The following CTIF variants were observed in gnomAD, a reference collection of about 807,000 sequenced individuals.
CTIF encodes CBP80/20-dependent translation initiation factor.
In CTIF, 21 loss-of-function variants were observed where a neutral mutation model predicts 66.0. The observed-to-expected ratio is 0.32, with a 90% CI of 0.23 to 0.46. The LOEUF is 0.46. Among genes scored for constraint, CTIF ranks in the 20% least tolerant of loss-of-function variants. The pLI, the probability that CTIF is intolerant of heterozygous loss-of-function variation, is 1.00. For missense variants in CTIF, 739 were observed against 812.7 expected, an observed-to-expected ratio of 0.91 and a Z score of 1.10; for synonymous variants, 345 against 326.4, an observed-to-expected ratio of 1.06 and a Z score of -0.62.
chr18:48,602,493 T>A (rs1598722961), intron 1 of CTIF, among the ~76,000 whole-genome samples: 1 of 152,244 alleles, frequency 6.6e-6, no homozygotes, highest in African/African-American at 2.4e-5. Flanking sequence ...TGACAGCATA[T>A]TTTCTCTGTG....
At chr18:48,589,272 GGA>G (rs899810118) in intron 1 of CTIF, among the ~76,000 whole-genome samples, 9 of 152,284 alleles carry the variant, frequency 5.9e-5, no homozygotes, top group Middle Eastern at 6.8e-3. Flanking sequence ...GCCGTCAGGG[GGA>G]GTCTGTTCCA....
chr18:48,619,620 CAGG>C lies in CTIF; in HGVS notation c.58_60del (p.Glu20del). On this transcript the variant is annotated inframe_deletion, in exon 2 of 12. Transcript: ENST00000256413. ...CTCGGAGGCAGGGAGCAGCCGCTCC[CAGG>C]AGATCGAGGAGCTGGAGCGCTTCAT... 1 of 1,605,316 alleles carries C rather than the reference CAGG, an allele frequency of 6.2e-7. No homozygotes were observed. Among genetic ancestry groups the C allele is most frequent in the South Asian group, 1.1e-5 (1 of 88,928 alleles).
chr18:48,814,937 C>T (rs930045074), intron 9 of CTIF, among the ~76,000 whole-genome samples: 3 of 151,746 alleles, frequency 2.0e-5, no homozygotes, highest in African/African-American at 7.2e-5. Flanking sequence ...AGGCAGGAGG[C>T]CTGAGGGGTC....
intron 6 of CTIF, among the ~76,000 whole-genome samples, chr18:48,683,446 C>T (rs2091781320): frequency 6.6e-6 from 1 of 150,800 alleles, no homozygotes. Context: ...TTTCCTGCCC[C>T]CGAGCCTCAC....
chr18:48,837,214 C>G (rs914708122), intron 10 of CTIF, among the ~76,000 whole-genome samples: 1 of 152,132 alleles, frequency 6.6e-6, no homozygotes, highest in Non-Finnish European at 1.5e-5. Context: ...CTCATGGTCT[C>G]GGATCCAAAT....
chr18:48,855,607 G>A (rs1276940596), intron 10 of CTIF, among the ~76,000 whole-genome samples: 1 of 152,180 alleles, frequency 6.6e-6, no homozygotes, highest in Admixed American at 6.5e-5. Context: ...CGTGGGCTGT[G>A]GCATGCTAGG....
At chr18:48,715,492 CGGGGG>C (rs2092271560) in intron 7 of CTIF, among the ~76,000 whole-genome samples, 1 of 152,120 alleles carries the variant, frequency 6.6e-6, no homozygotes, top group Non-Finnish European at 1.5e-5. Context: ...TTGCTTGGAA[CGGGGG>C]CTGCTAAGGC....
At chr18:48,748,342 A>G (rs931635997) in intron 7 of CTIF, among the ~76,000 whole-genome samples, 1 of 151,600 alleles carries the variant, frequency 6.6e-6, no homozygotes, top group African/African-American at 2.4e-5. Context: ...TCTGAGTACC[A>G]TGGTGACTTG....
At chr18:48,817,437 C>G (rs1298622104) in intron 10 of CTIF, 61 bp downstream of exon 10, 1 of 1,542,832 alleles carries the variant, frequency 6.5e-7, no homozygotes, top group African/African-American at 1.4e-5. Context: ...TGGAATGCGT[C>G]TCAGATAACT....
At chr18:48,545,961 C>A (rs950633541) in intron 1 of CTIF, among the ~76,000 whole-genome samples, 2 of 152,122 alleles carry the variant, frequency 1.3e-5, no homozygotes, top group East Asian at 3.9e-4. Flanking sequence ...CAGCCAAGAG[C>A]GTGTTTCAGC....
At chr18:48,816,018 C>A (rs199539322) in intron 9 of CTIF, among the ~76,000 whole-genome samples, 3 of 152,156 alleles carry the variant, frequency 2.0e-5, no homozygotes, top group African/African-American at 7.2e-5. Flanking sequence ...TGAGGCTGAA[C>A]AAACAACCAT....
intron 6 of CTIF, among the ~76,000 whole-genome samples, chr18:48,684,206 T>C (rs8095632): frequency 6.6e-6 from 1 of 151,992 alleles, no homozygotes. Context: ...GGCGACCTCA[T>C]GCCTTCATGG....
intron 1 of CTIF, among the ~76,000 whole-genome samples, chr18:48,561,751 T>C (rs1475790566): frequency 2.0e-5 from 3 of 152,210 alleles, no homozygotes; most frequent in Admixed American, 2.0e-4. Context: ...CTGGGGCACT[T>C]GATTTTAGAA....
At chr18:48,755,595 G>A (rs961509381) in intron 7 of CTIF, 4 of 152,296 alleles carry the variant, frequency 2.6e-5, no homozygotes, top group African/African-American at 9.6e-5. Context: ...AGCAATGCCA[G>A]TGAGGAGGGG....
intron 7 of CTIF, among the ~76,000 whole-genome samples, chr18:48,738,440 C>G (rs1280439025): frequency 6.6e-6 from 1 of 152,184 alleles, no homozygotes; most frequent in Non-Finnish European, 1.5e-5. Context: ...CCTCTCTGAC[C>G]TCACCATCTG....
At chr18:48,749,695 A>T (rs1427741990) in intron 7 of CTIF, among the ~76,000 whole-genome samples, 1 of 152,248 alleles carries the variant, frequency 6.6e-6, no homozygotes, top group African/African-American at 2.4e-5. Flanking sequence ...CCCATTTTAT[A>T]GGGGAAGAAG....
At chr18:48,574,102 T>C (rs1422349081) in intron 1 of CTIF, among the ~76,000 whole-genome samples, 1 of 152,238 alleles carries the variant, frequency 6.6e-6, no homozygotes, top group Non-Finnish European at 1.5e-5. Flanking sequence ...TCTTCTTTCC[T>C]GAAACTGTCT....
chr18:48,783,114 C>T (rs565742449), intron 9 of CTIF, among the ~76,000 whole-genome samples: 13 of 152,228 alleles, frequency 8.5e-5, no homozygotes, highest in South Asian at 2.1e-4. Flanking sequence ...CTGGGAAAGG[C>T]TGATGTCTTA....
chr18:48,632,916 T>C (rs1254458010), intron 2 of CTIF, among the ~76,000 whole-genome samples: 2 of 151,858 alleles, frequency 1.3e-5, no homozygotes, highest in Admixed American at 1.3e-4. Flanking sequence ...AAATGTACAG[T>C]TATGGATGGC....
Sources: allele counts gnomAD v4.1 joint callset (sites outside exome capture counted in the v4.1 genomes callset), GRCh38; gene constraint gnomAD v4.1.1; transcripts MANE v1.5; gene names NCBI Gene and HGNC (gene_info 2026-07-23, HGNC 2026-07-21).